The following PITPNM3 variants were observed in gnomAD, a reference collection of about 807,000 sequenced individuals.
PITPNM3 encodes the protein membrane-associated phosphatidylinositol transfer protein 3.
Under a neutral mutation model 102.0 loss-of-function variants are expected in PITPNM3, and 26 were observed. The observed-to-expected ratio is 0.25, with a 90% CI of 0.19 to 0.35. The LOEUF (loss-of-function observed/expected upper bound fraction) is 0.35, where lower values mean the gene tolerates loss of function less well. Among genes scored for constraint, PITPNM3 ranks in the 10% least tolerant of loss-of-function variants. The probability of loss-of-function intolerance (pLI) is 1.00; values close to 1 mark genes in which losing one functional copy is unlikely to be tolerated. For synonymous variants in PITPNM3, 578 were observed against 558.6 expected, an observed-to-expected ratio of 1.03 and a Z score of -0.49; for missense variants, 1,083 against 1,346.1, an observed-to-expected ratio of 0.80 and a Z score of 3.06.
chr17:6,498,124 G>A (rs1389312712), intron 4 of PITPNM3, among the ~76,000 whole-genome samples: 1 of 152,230 alleles, frequency 6.6e-6, no homozygotes, highest in Non-Finnish European at 1.5e-5. Flanking sequence ...GGAGGGGTGA[G>A]CCGGGCTTGC....
intron 1 of PITPNM3, among the ~76,000 whole-genome samples, chr17:6,543,126 C>A (rs959412548): frequency 2.0e-5 from 3 of 152,210 alleles, no homozygotes; most frequent in Admixed American, 1.3e-4. Context: ...TTCACCCCAG[C>A]AATGCCAGCA....
chr17:6,487,302 G>T (rs1906155426), intron 4 of PITPNM3, among the ~76,000 whole-genome samples: 1 of 152,190 alleles, frequency 6.6e-6, no homozygotes, highest in Non-Finnish European at 1.5e-5. Context: ...ATGGGGTGGT[G>T]GTGAGGATAG....
intron 2 of PITPNM3, among the ~76,000 whole-genome samples, chr17:6,536,363 A>C (rs1010753508): frequency 3.3e-5 from 5 of 152,228 alleles, no homozygotes; most frequent in African/African-American, 1.2e-4. Flanking sequence ...TGAACTGCAG[A>C]AATGTTTTAA....
In PITPNM3 at chr17:6,471,348, G is replaced by T; in HGVS notation, c.1437C>A (p.Ala479=). ...GGAAGAGGGGGCTGTGGGTGTGTAGGGCATCAGCTGGAGGGGGAATTTCAA... is the reference window on the plus strand; with the variant it reads ...GGAAGAGGGGGCTGTGGGTGTGTAGTGCATCAGCTGGAGGGGGAATTTCAA... ...GDGQSLLLAD[A]LHTHSPLFLE... is the part of the protein sequence containing the mutation. The change falls in exon 12 of 20, where the codon GCC becomes GCA. Residue 479 remains alanine (A), a synonymous_variant. Transcript: ENST00000262483. 1 of 1,591,796 alleles carries T rather than the reference G, an allele frequency of 6.3e-7. No homozygotes were observed. Among genetic ancestry groups the T allele is most frequent in the Non-Finnish European group, 8.5e-7 (1 of 1,170,892 alleles).
At position 6,537,594 on chromosome 17, in the gene PITPNM3, C is replaced by T. The variant is rs565633743; in HGVS notation, c.118+393G>A. 9.8e-5 allele frequency among the ~76,000 whole-genome samples: 15 copies of T among 152,324 alleles called. No individual in the cohort carries two copies. In the South Asian group the frequency reaches 3.1e-3, roughly 32 times the overall value. On this transcript the variant is annotated intron_variant, in intron 2 of 19. Transcript: ENST00000262483. This position sits in a 1 kb window ranked among gnomAD's most constrained non-coding sequence, Gnocchi z 4.4. Reference sequence around the variant, plus strand: ...AGCCACCACGCCTGGCCTGACTGTTCTCTCTTACAACAGCTGGCACTTTTA... The same window carrying T: ...AGCCACCACGCCTGGCCTGACTGTTTTCTCTTACAACAGCTGGCACTTTTA...
At position 6,471,174 on chromosome 17, in the gene PITPNM3, C is replaced by T; in HGVS notation, c.1611G>A (p.Val537=). Residue 537 remains valine (V), a synonymous_variant, in exon 12 of 20, where the codon GTG becomes GTA. Coordinates refer to ENST00000262483, the MANE Select transcript of PITPNM3 (RefSeq NM_031220.4). The part of the protein sequence containing the change: ...SSESSDSMAP[V]GASRITAKWW... ...GACCTCACTCACTGCGGGAGGCACCCACGGGTGCCATGCTGTCCGAGGACT... is the reference window on the plus strand; with the variant it reads ...GACCTCACTCACTGCGGGAGGCACCTACGGGTGCCATGCTGTCCGAGGACT... The T allele has an allele frequency of 6.2e-7, 1 of 1,612,550 alleles. No individual in the cohort carries two copies. The highest frequency in any genetic ancestry group is 8.5e-7 in the Non-Finnish European group (1 of 1,179,990).
chr17:6,505,840 G>A (rs188331382), intron 3 of PITPNM3, among the ~76,000 whole-genome samples: 3 of 152,204 alleles, frequency 2.0e-5, no homozygotes, highest in Non-Finnish European at 4.4e-5. Context: ...AGAAGCACAC[G>A]GCTAACTGCA....
intron 2 of PITPNM3, among the ~76,000 whole-genome samples, chr17:6,529,908 T>C (rs1232827645): frequency 6.6e-6 from 1 of 152,172 alleles, no homozygotes; most frequent in Non-Finnish European, 1.5e-5. Context: ...TCCATGGCGT[T>C]CTCTTTTCCA....
intron 1 of PITPNM3, among the ~76,000 whole-genome samples, chr17:6,552,239 T>TTG (rs1910349497): frequency 6.6e-6 from 1 of 152,186 alleles, no homozygotes; most frequent in Non-Finnish European, 1.5e-5. Context: ...CAGATATTCC[T>TTG]GCCCCAGCCT....
intron 1 of PITPNM3, among the ~76,000 whole-genome samples, chr17:6,544,466 AG>A (rs1433212749): frequency 6.6e-6 from 1 of 152,182 alleles, no homozygotes; most frequent in Non-Finnish European, 1.5e-5. Context: ...CAGCAGGTTG[AG>A]GCTGCATTGA....
intron 1 of PITPNM3, among the ~76,000 whole-genome samples, chr17:6,548,779 G>C (rs930885548): frequency 1.6e-4 from 25 of 152,080 alleles, no homozygotes; most frequent in African/African-American, 5.1e-4. Flanking sequence ...CAAATACCCA[G>C]AGCCAGGCAA....
At position 6,477,025 on chromosome 17, in the gene PITPNM3, C is replaced by T. The variant is rs1422051618; in HGVS notation, c.1085+4G>A. ...CTTCTTGCTTCTGGACAGGGAGGGGCTACCTTGAGAGGAAGGCATGGTGCT... is the reference window on the plus strand; with the variant it reads ...CTTCTTGCTTCTGGACAGGGAGGGGTTACCTTGAGAGGAAGGCATGGTGCT... On this transcript the variant is annotated splice_donor_region_variant and intron_variant, in intron 9 of 19. Transcript: ENST00000262483. 4.3e-6 allele frequency: 7 copies of T among 1,613,888 alleles called. No homozygotes were observed. Among genetic ancestry groups the T allele is most frequent in the Middle Eastern group, 1.6e-4 (1 of 6,062 alleles).
chr17:6,455,560 C>T lies in PITPNM3; in HGVS notation c.2703G>A (p.Met901Ile). The change falls in exon 20 of 20, where the codon ATG becomes ATA. Residue 901 changes from methionine (M) to isoleucine (I), a missense_variant. Met to Ile is a conservative substitution (Grantham distance 10). Transcript: ENST00000262483. ...RSRPKKNNSRMILRKGSFGLH... is the reference protein window; with the variant it reads ...RSRPKKNNSRIILRKGSFGLH... ...GCCCGAAGCTGCCCTTGCGCAGGAT[C>T]ATGCGCGAGTTGTTCTTCTTTGGGC... 1 of 1,602,542 alleles carries T rather than the reference C, an allele frequency of 6.2e-7. No homozygotes were observed. The highest frequency in any genetic ancestry group is 8.5e-7 in the Non-Finnish European group (1 of 1,179,278).
At chr17:6,502,926 G>C (rs1016743272) in intron 4 of PITPNM3, among the ~76,000 whole-genome samples, 3 of 152,158 alleles carry the variant, frequency 2.0e-5, no homozygotes, top group Non-Finnish European at 4.4e-5. Context: ...AAAACACAGG[G>C]GGAAGGAAAC....
chr17:6,475,851 G>C (rs890788256), intron 9 of PITPNM3, among the ~76,000 whole-genome samples: 2 of 152,208 alleles, frequency 1.3e-5, no homozygotes, highest in Non-Finnish European at 2.9e-5. Context: ...GAAGGTAGCT[G>C]CTTTTCTAAA....
intron 2 of PITPNM3, among the ~76,000 whole-genome samples, chr17:6,526,264 C>T (rs1908827609): frequency 6.6e-6 from 1 of 152,132 alleles, no homozygotes; most frequent in African/African-American, 2.4e-5. Context: ...GGCCCTGGGT[C>T]CCACACATCA....
intron 2 of PITPNM3, among the ~76,000 whole-genome samples, chr17:6,534,143 G>A (rs970844328): frequency 1.3e-5 from 2 of 152,124 alleles, no homozygotes; most frequent in Non-Finnish European, 2.9e-5. Flanking sequence ...TTCCAACCTC[G>A]GCACTGCTGG....
chr17:6,524,682 T>C (rs1273981266), intron 3 of PITPNM3, among the ~76,000 whole-genome samples: 1 of 152,182 alleles, frequency 6.6e-6, no homozygotes, highest in Non-Finnish European at 1.5e-5. Flanking sequence ...TCTTGACTTA[T>C]ACGTGTCACA....
At position 6,537,256 on chromosome 17, in the gene PITPNM3, C is replaced by CTTTTT. The variant is rs201959934; in HGVS notation, c.118+726_118+730dup. Among the ~76,000 whole-genome samples, 28 of 128,232 alleles carry CTTTTT rather than the reference C, an allele frequency of 2.2e-4. No individual in the cohort carries two copies. The highest frequency in any genetic ancestry group is 5.0e-4 in the African/African-American group (16 of 31,772). 84.1% of individuals were successfully genotyped at this position (128,232 alleles called of 152,430 possible). A position where few individuals can be genotyped will look rare whatever the true frequency, so the allele number is the denominator to read the frequency against. On this transcript the variant is annotated intron_variant, in intron 2 of 19. Coordinates refer to ENST00000262483, the MANE Select transcript of PITPNM3 (RefSeq NM_031220.4). This position sits in a 1 kb window ranked among gnomAD's most constrained non-coding sequence, Gnocchi z 4.4. Reference sequence around the variant, plus strand: ...TATGAGGCTCATTTATTTTTTCTTTCTTTTTTTTTTTTTTTTTTCTGAGAC... The same window carrying CTTTTT: ...TATGAGGCTCATTTATTTTTTCTTTCTTTTTTTTTTTTTTTTTTTTTTTCTGAGAC...
Sources: allele counts gnomAD v4.1 joint callset (sites outside exome capture counted in the v4.1 genomes callset), GRCh38; gene constraint gnomAD v4.1.1; non-coding constraint Gnocchi (gnomAD v3.1); transcripts MANE v1.5; gene names NCBI Gene and HGNC (gene_info 2026-07-23, HGNC 2026-07-21).